The following MED12L variants were observed in gnomAD, a reference collection of about 807,000 sequenced individuals.
The protein encoded by MED12L is mediator of RNA polymerase II transcription subunit 12-like protein.
A neutral mutation model predicts 281.3 loss-of-function variants in MED12L; 60 were observed. The observed-to-expected ratio is 0.21, with a 90% confidence interval of 0.17 to 0.26. The LOEUF is 0.26. Among genes scored for constraint, MED12L ranks in the 10% least tolerant of loss-of-function variants. The probability of loss-of-function intolerance (pLI) is 1.00; values close to 1 mark genes in which losing one functional copy is unlikely to be tolerated. For missense variants in MED12L, 2,146 were observed against 2,680.9 expected, an observed-to-expected ratio of 0.80 and a Z score of 4.41; for synonymous variants, 974 against 987.2, an observed-to-expected ratio of 0.99 and a Z score of 0.25.
intron 16 of MED12L, among the ~76,000 whole-genome samples, chr3:151,291,150 G>GTTTTTTTTTTTTTTTTTTTTTTTTT (rs59482240): frequency 7.8e-6 from 1 of 127,552 alleles, no homozygotes. Context: ...CTTGTTTTCT[G>GTTTTTTTTTTTTTTTTTTTTTTTTT]TTTTTTTTTT....
At chr3:151,404,320 G>A (rs1716043203) in intron 39 of MED12L, among the ~76,000 whole-genome samples, 1 of 152,162 alleles carries the variant, frequency 6.6e-6, no homozygotes, top group Non-Finnish European at 1.5e-5. Flanking sequence ...GTTCATTACT[G>A]TATGGGATGT....
chr3:151,248,348 C>T (rs147231171), intron 16 of MED12L, among the ~76,000 whole-genome samples: 2 of 152,226 alleles, frequency 1.3e-5, no homozygotes, highest in Non-Finnish European at 2.9e-5. Flanking sequence ...TTAGAGAAGA[C>T]ATCACAGCTG....
intron 5 of MED12L, among the ~76,000 whole-genome samples, chr3:151,142,688 A>T (rs1717223903): frequency 6.6e-6 from 1 of 152,216 alleles, no homozygotes; most frequent in African/African-American, 2.4e-5. Context: ...TGCTTGCTCC[A>T]TACTGTGCAT....
intron 2 of MED12L, among the ~76,000 whole-genome samples, chr3:151,111,753 T>G (rs1711932912): frequency 6.6e-6 from 1 of 152,182 alleles, no homozygotes; most frequent in African/African-American, 2.4e-5. Context: ...GTGAACCTCC[T>G]TTTCAGAATA....
At chr3:151,137,915 T>C (rs1716384990) in intron 5 of MED12L, among the ~76,000 whole-genome samples, 1 of 152,168 alleles carries the variant, frequency 6.6e-6, no homozygotes, top group Non-Finnish European at 1.5e-5. Context: ...TTTTCCCTTA[T>C]GAACTAATTT....
chr3:151,085,987 G>T (rs1719109413), intron 1 of MED12L, 51 bp downstream of exon 1: 1 of 152,246 alleles, frequency 6.6e-6, no homozygotes, highest in African/African-American at 2.4e-5. Context: ...GGGGCCGTGG[G>T]GAGGCGGCGG....
intron 16 of MED12L, among the ~76,000 whole-genome samples, chr3:151,324,806 A>C (rs1334129086): frequency 6.6e-6 from 1 of 152,178 alleles, no homozygotes; most frequent in Non-Finnish European, 1.5e-5. Flanking sequence ...TATTTCCTAC[A>C]TTTGGTTTCT....
chr3:151,389,598 C>T lies in MED12L; in HGVS notation c.5452-381C>T, dbSNP rs550264717. Among the ~76,000 whole-genome samples, 5 of 152,184 alleles carry T rather than the reference C, an allele frequency of 3.3e-5. No homozygotes were observed. The South Asian group carries it at 1.0e-3, about 31-fold the overall frequency. On this transcript the variant is annotated intron_variant, in intron 37 of 44. Coordinates refer to ENST00000687756, the MANE Select transcript of MED12L (RefSeq NM_001393769.1). ...CTGTAGGGCTCTCTGGCGTAATTCT[C>T]CAGACCCAAGATATTGGAAAGGCCT...
chr3:151,276,202 A>G (rs1037930915), intron 16 of MED12L, among the ~76,000 whole-genome samples: 1 of 152,198 alleles, frequency 6.6e-6, no homozygotes, highest in African/African-American at 2.4e-5. Context: ...GTTAAAAGAG[A>G]TTGCTGGGCT....
rs149316226 is a variant in MED12L, at chr3:151,404,898, A to G, written c.5821-4345A>G. On this transcript the variant is annotated intron_variant, in intron 39 of 44. Transcript: ENST00000687756. ...AGTCCTACATGAAAAGGAGATCTTC[A>G]CATTTTCTCATTTGATTGAGGGTGT... 4.3e-3 allele frequency among the ~76,000 whole-genome samples: 657 copies of G among 152,332 alleles called. 6 individuals are homozygous for G. The highest frequency in any genetic ancestry group is 0.027 in the Middle Eastern group (8 of 294).
intron 16 of MED12L, among the ~76,000 whole-genome samples, chr3:151,215,980 A>G (rs114735890): frequency 0.016 from 2,363 of 152,226 alleles, 18 homozygotes; most frequent in South Asian, 0.035. Context: ...GCCTCAGCTT[A>G]GCTGTCACTT....
intron 16 of MED12L, among the ~76,000 whole-genome samples, chr3:151,232,750 C>T (rs907268358): frequency 6.6e-6 from 1 of 152,038 alleles, no homozygotes; most frequent in Non-Finnish European, 1.5e-5. Flanking sequence ...AACTCATGGA[C>T]ACAAAGGGAA....
intron 16 of MED12L, among the ~76,000 whole-genome samples, chr3:151,324,030 G>T (rs1435181769): frequency 6.6e-6 from 1 of 152,206 alleles, no homozygotes; most frequent in Non-Finnish European, 1.5e-5. Flanking sequence ...GGACAGAGAG[G>T]CAGTGACCAG....
At chr3:151,098,392 C>T (rs1253426294) in intron 2 of MED12L, among the ~76,000 whole-genome samples, 3 of 152,220 alleles carry the variant, frequency 2.0e-5, no homozygotes, top group Non-Finnish European at 2.9e-5. Flanking sequence ...CTTAAACCAA[C>T]ATTCGCTCAT....
intron 39 of MED12L, among the ~76,000 whole-genome samples, chr3:151,398,834 C>A (rs1413726503): frequency 2.0e-5 from 3 of 152,040 alleles, no homozygotes; most frequent in Non-Finnish European, 4.4e-5. Context: ...TGTATAGGTA[C>A]CTATATGATA....
chr3:151,194,924 G>C (rs1724445215), intron 16 of MED12L, among the ~76,000 whole-genome samples: 1 of 152,116 alleles, frequency 6.6e-6, no homozygotes, highest in Non-Finnish European at 1.5e-5. Flanking sequence ...CAGCACTTTG[G>C]GAGGCCGAGG....
chr3:151,093,082 G>T (rs945599530), intron 2 of MED12L, among the ~76,000 whole-genome samples: 1 of 152,220 alleles, frequency 6.6e-6, no homozygotes, highest in Non-Finnish European at 1.5e-5. Context: ...AAGGCTGGAG[G>T]ATTGCTTGAA....
chr3:151,231,261 A>G (rs1415577656), intron 16 of MED12L, among the ~76,000 whole-genome samples: 2 of 152,252 alleles, frequency 1.3e-5, no homozygotes, highest in Non-Finnish European at 2.9e-5. Flanking sequence ...CCTCAGTGTG[A>G]TAACTGATTC....
chr3:151,198,811 T>C, intron 16 of MED12L: 1 of 1,613,664 alleles, frequency 6.2e-7, no homozygotes, highest in East Asian at 2.2e-5. Context: ...AAATGATGGC[T>C]GAGAAATTTA....
Sources: gnomAD v4.1 joint callset for allele counts (sites outside exome capture counted in the v4.1 genomes callset) on GRCh38, gnomAD v4.1.1 for gene constraint, MANE v1.5 for transcripts, NCBI Gene and HGNC (gene_info 2026-07-23, HGNC 2026-07-21) for gene names.